The following NBN variants were observed in gnomAD, a reference collection of about 807,000 sequenced individuals.
The protein encoded by NBN is Nijmegen breakage syndrome 1 (nibrin).
A neutral mutation model predicts 90.8 loss-of-function variants in NBN; 88 were observed. That is an observed-to-expected ratio of 0.97 (90% CI 0.82 to 1.16). NBN has a LOEUF of 1.16. Among genes scored for constraint, NBN ranks in the 50% most tolerant of loss-of-function variants. The pLI is 0.00. For missense variants in NBN, 894 were observed against 869.6 expected (o/e 1.03, Z -0.35); for synonymous variants, 328 against 295.1 (o/e 1.11, Z -1.14).
At position 89,982,782 on chromosome 8, in the gene NBN, A is replaced by T; in HGVS notation, c.111T>A (p.Asn37Lys). The change falls in exon 2 of 16, where the codon AAT becomes AAA. Residue 37 changes from asparagine to lysine, a missense_variant. Coordinates refer to ENST00000265433, the MANE Select transcript of NBN (RefSeq NM_002485.5). ...CATGATTTCGGCTGATCGACTGATC[A>T]TTTTCAATCAGAATGGCACAGTTTT... The part of the protein sequence containing the change: ...GRKNCAILIE[N>K]DQSISRNHAV... The T allele has an allele frequency of 9.9e-6, 16 of 1,613,992 alleles. No individual in the cohort carries two copies. Among genetic ancestry groups the T allele is most frequent in the Non-Finnish European group, 1.4e-5 (16 of 1,179,904 alleles).
At chr8:89,962,673 A>G (rs1291563175) in intron 8 of NBN, among the ~76,000 whole-genome samples, 1 of 152,236 alleles carries the variant, frequency 6.6e-6, no homozygotes, top group Non-Finnish European at 1.5e-5. Context: ...GGTTATATTT[A>G]AAACTTCACA....
Position 89,946,296 on chromosome 8 carries a change from C to A in NBN, c.1915-1G>T. The A allele has an allele frequency of 6.3e-7, 1 of 1,577,848 alleles. No homozygotes were observed. Among genetic ancestry groups the A allele is most frequent in the South Asian group, 1.1e-5 (1 of 90,172 alleles). Reference sequence around the variant, plus strand: ...TATCATCCTGAAGTTTGTCATTGTTCTTAAATGGGGTTAAGATGGATAGGT... The same window carrying A: ...TATCATCCTGAAGTTTGTCATTGTTATTAAATGGGGTTAAGATGGATAGGT... On this transcript the variant is annotated splice_acceptor_variant, in intron 12 of 15. Transcript: ENST00000265433. LOFTEE classifies it high-confidence loss of function.
Position 89,970,337 on chromosome 8 carries a change from T to G in NBN, c.896+27A>C, listed in dbSNP as rs114182293. ...AACATAAAATCTCCTACTTGCAGTT[T>G]TTTACTAATAAAGAATAATTCTATA... On this transcript the variant is annotated intron_variant, in intron 7 of 15. Transcript: ENST00000265433. 2.7e-3 allele frequency: 4,216 copies of G among 1,568,432 alleles called. 83 individuals are homozygous for G. In the African/African-American group the frequency reaches 0.048, roughly 18 times the overall value.
At chr8:89,981,658 T>G in intron 2 of NBN, 135 bp from the exon 3 acceptor site, 4 of 877,074 alleles carry the variant, frequency 4.6e-6, no homozygotes, top group Non-Finnish European at 7.0e-6. Context: ...ACTGCTTCGG[T>G]TGCCTTGAGA....
chr8:89,973,103 G>A (rs557686635), intron 5 of NBN, among the ~76,000 whole-genome samples: 1 of 152,264 alleles, frequency 6.6e-6, no homozygotes, highest in South Asian at 2.1e-4. Context: ...CTTTATTAGT[G>A]TCATTCTTTA....
chr8:89,955,253 G>C, intron 10 of NBN, 30 bp downstream of exon 10: 1 of 1,601,710 alleles, frequency 6.2e-7, no homozygotes, highest in Non-Finnish European at 8.5e-7. Flanking sequence ...TTTTTTTTCA[G>C]AGACATGAGA....
At chr8:89,981,560 C>A in intron 2 of NBN, 37 bp from the exon 3 acceptor site, 1 of 1,608,360 alleles carries the variant, frequency 6.2e-7, no homozygotes, top group East Asian at 2.2e-5. Context: ...TCTTTTACCA[C>A]TCAGTACATT....
intron 8 of NBN, among the ~76,000 whole-genome samples, chr8:89,960,209 T>G (rs13312897): frequency 0.028 from 4,340 of 152,316 alleles, 184 homozygotes; most frequent in African/African-American, 0.097. Flanking sequence ...AATTCTAAAT[T>G]CAGATATTTA....
At chr8:89,978,425 A>AAAAT in intron 4 of NBN, 102 bp from the exon 5 acceptor site, 1 of 910,544 alleles carries the variant, frequency 1.1e-6, no homozygotes, top group Non-Finnish European at 1.7e-6. Flanking sequence ...ACATCCATAA[A>AAAAT]AAATAATGTT....
intron 7 of NBN, 83 bp from the exon 8 acceptor site, chr8:89,964,590 CTT>C: frequency 7.5e-7 from 1 of 1,326,514 alleles, no homozygotes; most frequent in Admixed American, 1.9e-5. Flanking sequence ...AAAGCAACCT[CTT>C]TTTTTTCCTC....
intron 11 of NBN, among the ~76,000 whole-genome samples, chr8:89,950,936 G>A (rs1810416537): frequency 1.3e-5 from 2 of 151,948 alleles, no homozygotes; most frequent in Non-Finnish European, 1.5e-5. Flanking sequence ...AGCCAAGGAG[G>A]GCTGTTACAG....
intron 7 of NBN, among the ~76,000 whole-genome samples, chr8:89,967,523 C>G (rs1811312069): frequency 1.3e-5 from 2 of 152,080 alleles, no homozygotes; most frequent in Non-Finnish European, 2.9e-5. Flanking sequence ...CAATGATGAG[C>G]ATGTGTCATG....
At chr8:89,958,573 G>A (rs1810838825) in intron 9 of NBN, 152 bp downstream of exon 9, 2 of 968,732 alleles carry the variant, frequency 2.1e-6, no homozygotes, top group Non-Finnish European at 3.1e-6. Context: ...AAAACCTGCT[G>A]ACCCTTGTCC....
At chr8:89,937,283 C>G (rs1022042552) in intron 14 of NBN, 1 of 564,058 alleles carries the variant, frequency 1.8e-6, no homozygotes, top group Non-Finnish European at 3.2e-6. Flanking sequence ...TCTAACTAAA[C>G]AGCTTTCTCC....
At chr8:89,956,415 C>T (rs890428143) in intron 9 of NBN, among the ~76,000 whole-genome samples, 1 of 151,860 alleles carries the variant, frequency 6.6e-6, no homozygotes, top group Admixed American at 6.6e-5. Context: ...TAGAAAATAA[C>T]AAATAATATA....
At position 89,935,413 on chromosome 8, in the gene NBN, T is replaced by C; in HGVS notation, c.*169A>G. ...CAAAGCCTGAAAACAGAACAAACAA[T>C]TGTTACATACAAAAGAATCAAAGTT... On this transcript the variant is annotated 3_prime_UTR_variant, in exon 16 of 16. Coordinates refer to ENST00000265433, the MANE Select transcript of NBN (RefSeq NM_002485.5). 1.4e-6 allele frequency: 1 copy of C among 731,620 alleles called. No individual in the cohort carries two copies. The allele number at this position is 731,620 out of a possible 1,614,324, so 45.3% of individuals were successfully genotyped here.
At chr8:89,983,985 C>T (rs1812201463) in intron 1 of NBN, among the ~76,000 whole-genome samples, 1 of 152,198 alleles carries the variant, frequency 6.6e-6, no homozygotes, top group South Asian at 2.1e-4. Flanking sequence ...CATGTGATCA[C>T]ATTTCACACC....
chr8:89,936,558 G>A (rs768448409), intron 15 of NBN, among the ~76,000 whole-genome samples: 1 of 152,228 alleles, frequency 6.6e-6, no homozygotes, highest in Admixed American at 6.5e-5. Flanking sequence ...TGCTGAAAAT[G>A]TATTAAATCA....
chr8:89,946,036 G>T, intron 13 of NBN, 104 bp downstream of exon 13: 1 of 846,354 alleles, frequency 1.2e-6, no homozygotes, highest in Non-Finnish European at 1.9e-6. Flanking sequence ...AGCAGAAGAA[G>T]TATCAGTTTT....
Sources: gnomAD v4.1 joint callset for allele counts (sites outside exome capture counted in the v4.1 genomes callset) on GRCh38, gnomAD v4.1.1 for gene constraint, MANE v1.5 for transcripts, NCBI Gene and HGNC (gene_info 2026-07-23, HGNC 2026-07-21) for gene names.